Variants in GRIK2 observed in about 807,000 individuals in gnomAD.
GRIK2 encodes the protein glutamate ionotropic receptor kainate type subunit 2.
In GRIK2, 32 loss-of-function variants were observed where a neutral mutation model predicts 100.3. That is an observed-to-expected ratio of 0.32 (90% CI 0.24 to 0.43). The LOEUF (loss-of-function observed/expected upper bound fraction) is 0.43. GRIK2 is among the 20% of genes least tolerant of loss of function. The probability of loss-of-function intolerance (pLI) is 1.00; values close to 1 mark genes in which losing one functional copy is unlikely to be tolerated. For synonymous variants in GRIK2, 417 were observed against 389.4 expected (o/e 1.07, Z -0.83); for missense variants, 843 against 1,114.9 (o/e 0.76, Z 3.47).
intron 14 of GRIK2, among the ~76,000 whole-genome samples, chr6:101,969,444 A>AAAT (rs1439924965): frequency 6.6e-6 from 1 of 151,948 alleles, no homozygotes; most frequent in African/African-American, 2.4e-5. Flanking sequence ...ATTTTTCCCC[A>AAAT]AATTTTCACT....
At chr6:102,002,464 C>T (rs957055988) in intron 14 of GRIK2, among the ~76,000 whole-genome samples, 5 of 148,956 alleles carry the variant, frequency 3.4e-5, no homozygotes, top group Admixed American at 6.8e-5. Context: ...ATTATATACA[C>T]ATATGTGTGT....
intron 7 of GRIK2, among the ~76,000 whole-genome samples, chr6:101,740,291 G>A (rs1027419587): frequency 3.3e-5 from 5 of 152,112 alleles, no homozygotes; most frequent in African/African-American, 1.2e-4. Context: ...CTATAAAATA[G>A]CATTGTATTT....
At chr6:101,509,563 G>A (rs1313819331) in intron 2 of GRIK2, among the ~76,000 whole-genome samples, 2 of 152,206 alleles carry the variant, frequency 1.3e-5, no homozygotes, top group African/African-American at 2.4e-5. Flanking sequence ...ACACTCAGAA[G>A]TCTGCCTTGT....
chr6:101,787,936 C>G (rs186539447), intron 7 of GRIK2, among the ~76,000 whole-genome samples: 26 of 152,156 alleles, frequency 1.7e-4, no homozygotes, highest in African/African-American at 6.0e-4. Context: ...CTGTCTGTCT[C>G]TTTAGATCAA....
At chr6:101,493,162 A>G (rs1009366429) in intron 2 of GRIK2, among the ~76,000 whole-genome samples, 1 of 152,018 alleles carries the variant, frequency 6.6e-6, no homozygotes, top group African/African-American at 2.4e-5. Context: ...ATAATATACA[A>G]TTAATCAAGT....
chr6:101,816,100 C>T (rs934382812), intron 9 of GRIK2, among the ~76,000 whole-genome samples: 1 of 151,942 alleles, frequency 6.6e-6, no homozygotes, highest in Non-Finnish European at 1.5e-5. Flanking sequence ...ATGGGAAATT[C>T]TTTGTATTAG....
intron 7 of GRIK2, among the ~76,000 whole-genome samples, chr6:101,729,639 A>G (rs929418684): frequency 2.0e-5 from 3 of 151,876 alleles, no homozygotes; most frequent in Non-Finnish European, 4.4e-5. Context: ...AAGAAGCGTC[A>G]TATCCTGAAC....
intron 10 of GRIK2, among the ~76,000 whole-genome samples, chr6:101,845,079 G>A (rs922487230): frequency 2.6e-5 from 4 of 151,922 alleles, no homozygotes; most frequent in Admixed American, 6.6e-5. Context: ...GGAGAGTAGT[G>A]GTGCTATCAT....
Position 101,409,861 on chromosome 6 carries a change from G to A in GRIK2, c.115+10469G>A, listed in dbSNP as rs568136461. ...TAAAATAATATTTATTATCACTCAT[G>A]AATATTGTATCTAACTTCTTAAACT... On this transcript the variant is annotated intron_variant, in intron 2 of 16. Transcript: ENST00000369134. 7.2e-5 allele frequency among the ~76,000 whole-genome samples: 11 copies of A among 152,050 alleles called. No homozygotes were observed. The South Asian group carries it at 2.3e-3, about 32-fold the overall frequency.
intron 2 of GRIK2, among the ~76,000 whole-genome samples, chr6:101,474,319 T>A (rs1239663919): frequency 6.6e-6 from 1 of 151,896 alleles, no homozygotes; most frequent in African/African-American, 2.4e-5. Context: ...CATTTGGAAC[T>A]GAAGATTAAA....
Position 101,522,463 on chromosome 6 carries a change from T to C in GRIK2, c.116-99486T>C, listed in dbSNP as rs553220115. ...CATGTCTGTCTGTCATGAACTGCTGTCATTAATGTGTCGCTTTCCAGTTGT... is the reference window on the plus strand; with the variant it reads ...CATGTCTGTCTGTCATGAACTGCTGCCATTAATGTGTCGCTTTCCAGTTGT... On this transcript the variant is annotated intron_variant, in intron 2 of 16. Transcript: ENST00000369134. Among the ~76,000 whole-genome samples the C allele has an allele frequency of 3.9e-5, 6 of 152,312 alleles. No homozygotes were observed. In the East Asian group the frequency reaches 1.2e-3, roughly 29 times the overall value.
chr6:101,595,604 G>T (rs682641), intron 2 of GRIK2, among the ~76,000 whole-genome samples: 1 of 149,216 alleles, frequency 6.7e-6, no homozygotes, highest in African/African-American at 2.5e-5. Context: ...ACACACACAG[G>T]TACAAACACA....
chr6:102,060,915 A>G (rs565829700), intron 16 of GRIK2, among the ~76,000 whole-genome samples: 10 of 150,586 alleles, frequency 6.6e-5, no homozygotes, highest in African/African-American at 2.4e-4. Flanking sequence ...TAATTTTTTA[A>G]CTTGTTCTTC....
intron 2 of GRIK2, among the ~76,000 whole-genome samples, chr6:101,464,339 G>A (rs898304373): frequency 1.3e-5 from 2 of 151,998 alleles, no homozygotes; most frequent in South Asian, 4.1e-4. Context: ...GTTGAAGAAA[G>A]TATGATTAAT....
chr6:101,632,982 A>C (rs1246685921), intron 4 of GRIK2, among the ~76,000 whole-genome samples: 3 of 152,156 alleles, frequency 2.0e-5, no homozygotes, highest in African/African-American at 7.2e-5. Context: ...AGTGTGCAAC[A>C]TGTGTAAATG....
At chr6:101,883,477 A>G (rs538426938) in intron 11 of GRIK2, among the ~76,000 whole-genome samples, 2 of 152,142 alleles carry the variant, frequency 1.3e-5, no homozygotes, top group South Asian at 4.1e-4. Flanking sequence ...CCTTACTCAA[A>G]AGGAACTTAC....
At chr6:101,910,839 C>CCACACACACACGCGCACA (rs1788631224) in intron 12 of GRIK2, among the ~76,000 whole-genome samples, 1 of 143,266 alleles carries the variant, frequency 7.0e-6, no homozygotes. Flanking sequence ...CCAACATACA[C>CCACACACACACGCGCACA]CACACACACA....
At chr6:101,803,832 G>C (rs985296794) in intron 9 of GRIK2, among the ~76,000 whole-genome samples, 1 of 151,810 alleles carries the variant, frequency 6.6e-6, no homozygotes, top group African/African-American at 2.4e-5. Flanking sequence ...CTCCATTGTG[G>C]CTTACAGATA....
intron 14 of GRIK2, chr6:101,993,962 ATC>A (rs1376901634): frequency 1.5e-5 from 2 of 136,306 alleles, no homozygotes; most frequent in East Asian, 8.8e-4. Context: ...AAATGTATAT[ATC>A]TATATATACA....
Sources: gnomAD v4.1 joint callset for allele counts (sites outside exome capture counted in the v4.1 genomes callset) on GRCh38, gnomAD v4.1.1 for gene constraint, MANE v1.5 for transcripts, NCBI Gene and HGNC (gene_info 2026-07-23, HGNC 2026-07-21) for gene names.